Variants in DRC11 observed in about 807,000 individuals in gnomAD.
DRC11 encodes dynein regulatory complex subunit 11.
At chr2:236,346,168 T>TAA in the DRC11 span, among the ~76,000 whole-genome samples, 51,183 of 151,944 alleles carry the variant, frequency 0.34, 8,896 homozygotes, top group Non-Finnish European at 0.38. Flanking sequence ...AATCCCAAAT[T>TAA]TTAATCGTGA....
the DRC11 span, among the ~76,000 whole-genome samples, chr2:236,394,899 A>T: frequency 1.3e-5 from 2 of 152,246 alleles, no homozygotes; most frequent in Non-Finnish European, 2.9e-5. This position sits in a 1 kb window ranked among gnomAD's most constrained non-coding sequence, Gnocchi z 7.0. Flanking sequence ...CATCTCTGCC[A>T]CAGAGATATG....
chr2:236,412,431 T>C, the DRC11 span, among the ~76,000 whole-genome samples: 1 of 152,222 alleles, frequency 6.6e-6, no homozygotes, highest in Admixed American at 6.5e-5. Context: ...ACCTCATCCG[T>C]GCCCCACCTT....
chr2:236,369,553 A>G, the DRC11 span, among the ~76,000 whole-genome samples: 2 of 152,266 alleles, frequency 1.3e-5, no homozygotes, highest in Non-Finnish European at 2.9e-5. The surrounding 1 kb of genome is among the most constrained non-coding windows in gnomAD (Gnocchi z 4.5). Flanking sequence ...TCAAGGTGAC[A>G]GGAAAGTGAC....
the DRC11 span, among the ~76,000 whole-genome samples, chr2:236,366,157 A>G: frequency 2.0e-5 from 3 of 152,116 alleles, no homozygotes; most frequent in African/African-American, 7.2e-5. Context: ...CGTGGCAGTA[A>G]TACCTCCAGG....
At chr2:236,491,931 T>G in the DRC11 span, among the ~76,000 whole-genome samples, 1 of 152,168 alleles carries the variant, frequency 6.6e-6, no homozygotes, top group South Asian at 2.1e-4. Flanking sequence ...GTGGGACTTT[T>G]AAGAGGTGAT....
the DRC11 span, among the ~76,000 whole-genome samples, chr2:236,495,289 G>A: frequency 6.6e-6 from 1 of 152,218 alleles, no homozygotes; most frequent in African/African-American, 2.4e-5. The surrounding 1 kb of genome is among the most constrained non-coding windows in gnomAD (Gnocchi z 5.6). Flanking sequence ...GTTGCAGTGA[G>A]CTGAGCTTGC....
the DRC11 span, among the ~76,000 whole-genome samples, chr2:236,410,777 GA>G: frequency 6.7e-6 from 1 of 149,146 alleles, no homozygotes; most frequent in Non-Finnish European, 1.5e-5. Context: ...ACAAACCTGA[GA>G]AAAACAAGCA....
At chr2:236,435,460 C>T in the DRC11 span, among the ~76,000 whole-genome samples, 1 of 152,200 alleles carries the variant, frequency 6.6e-6, no homozygotes, top group African/African-American at 2.4e-5. Context: ...TCTCACATTG[C>T]TATAAAGAAC....
chr2:236,458,772 A>T, the DRC11 span, among the ~76,000 whole-genome samples: 7 of 152,112 alleles, frequency 4.6e-5, no homozygotes, highest in African/African-American at 1.4e-4. Context: ...AAGGCCAGGC[A>T]TGGTGGCTTA....
At chr2:236,467,677 A>C in the DRC11 span, among the ~76,000 whole-genome samples, 2 of 152,214 alleles carry the variant, frequency 1.3e-5, no homozygotes, top group Non-Finnish European at 2.9e-5. Context: ...GAAATGTCCA[A>C]GGGTAAGAGA....
At chr2:236,392,295 T>C in the DRC11 span, 1 of 1,599,340 alleles carries the variant, frequency 6.3e-7, no homozygotes. The surrounding 1 kb of genome is among the most constrained non-coding windows in gnomAD (Gnocchi z 5.1). Flanking sequence ...CTTTGATCAG[T>C]TCTGGATCAT....
the DRC11 span, among the ~76,000 whole-genome samples, chr2:236,478,085 C>A: frequency 6.6e-6 from 1 of 151,550 alleles, no homozygotes; most frequent in Non-Finnish European, 1.5e-5. The surrounding 1 kb of genome is among the most constrained non-coding windows in gnomAD (Gnocchi z 5.9). Context: ...TTTCCTTTCA[C>A]TAATTTTGGG....
chr2:236,347,156 T>C, the DRC11 span, among the ~76,000 whole-genome samples: 1 of 152,194 alleles, frequency 6.6e-6, no homozygotes, highest in Non-Finnish European at 1.5e-5. Flanking sequence ...GCACGAGACC[T>C]CTCACCCTTC....
the DRC11 span, among the ~76,000 whole-genome samples, chr2:236,387,034 G>T: frequency 6.6e-6 from 1 of 151,714 alleles, no homozygotes; most frequent in African/African-American, 2.4e-5. Flanking sequence ...GAGATAGTTT[G>T]TTATAATTTC....
the DRC11 span, among the ~76,000 whole-genome samples, chr2:236,396,126 C>T: frequency 6.6e-6 from 1 of 152,184 alleles, no homozygotes; most frequent in South Asian, 2.1e-4. Context: ...GCGCAGGGCA[C>T]TTTTCAATCC....
At chr2:236,337,889 T>G in the DRC11 span, among the ~76,000 whole-genome samples, 1 of 150,990 alleles carries the variant, frequency 6.6e-6, no homozygotes, top group South Asian at 2.1e-4. This position sits in a 1 kb window ranked among gnomAD's most constrained non-coding sequence, Gnocchi z 4.9. Context: ...GCAAGGTGAG[T>G]GATCTTAATC....
At chr2:236,390,206 T>C in the DRC11 span, among the ~76,000 whole-genome samples, 1 of 152,246 alleles carries the variant, frequency 6.6e-6, no homozygotes, top group Non-Finnish European at 1.5e-5. The surrounding 1 kb of genome is among the most constrained non-coding windows in gnomAD (Gnocchi z 5.9). Context: ...GAATTGACCC[T>C]TTTATCATTA....
the DRC11 span, among the ~76,000 whole-genome samples, chr2:236,466,427 T>C: frequency 2.6e-5 from 4 of 152,212 alleles, no homozygotes; most frequent in African/African-American, 9.6e-5. Flanking sequence ...TTTGCATTAG[T>C]CCATTTTTGC....
chr2:236,373,375 T>G, the DRC11 span, among the ~76,000 whole-genome samples: 1 of 151,894 alleles, frequency 6.6e-6, no homozygotes, highest in African/African-American at 2.4e-5. Context: ...CTCAACCTCC[T>G]GAGTAGCTGG....
Sources: allele counts gnomAD v4.1 joint callset (sites outside exome capture counted in the v4.1 genomes callset), GRCh38; gene constraint gnomAD v4.1.1; non-coding constraint Gnocchi (gnomAD v3.1); transcripts MANE v1.5; gene names NCBI Gene and HGNC (gene_info 2026-07-23, HGNC 2026-07-21).